The following PHACTR1 variants were observed in gnomAD, a reference collection of about 807,000 sequenced individuals.
PHACTR1 encodes phosphatase and actin regulator 1.
A neutral mutation model predicts 69.2 loss-of-function variants in PHACTR1; 16 were observed. That is an observed-to-expected ratio of 0.23 (90% CI 0.16 to 0.35). The LOEUF is 0.35. Ranked by LOEUF, PHACTR1 falls within the 10% of genes least tolerant of loss-of-function variation. PHACTR1 has a pLI of 1.00. For missense variants in PHACTR1, 510 were observed against 734.7 expected, an observed-to-expected ratio of 0.69 and a Z score of 3.54; for synonymous variants, 312 against 284.5, an observed-to-expected ratio of 1.10 and a Z score of -0.97.
intron 8 of PHACTR1, among the ~76,000 whole-genome samples, chr6:13,209,725 C>T (rs1483592694): frequency 6.6e-6 from 1 of 152,218 alleles, no homozygotes; most frequent in Non-Finnish European, 1.5e-5. Context: ...GTCTCTGCTC[C>T]AACAGGACGT....
At chr6:12,800,997 T>A (rs1773631862) in intron 4 of PHACTR1, among the ~76,000 whole-genome samples, 1 of 152,228 alleles carries the variant, frequency 6.6e-6, no homozygotes, top group Non-Finnish European at 1.5e-5. Context: ...ATTTTTTAAA[T>A]AACATGAAGT....
At chr6:13,027,516 G>A (rs1801865389) in intron 4 of PHACTR1, among the ~76,000 whole-genome samples, 1 of 151,306 alleles carries the variant, frequency 6.6e-6, no homozygotes, top group Non-Finnish European at 1.5e-5. Flanking sequence ...GCTATGTTGT[G>A]CTTCTTTGCT....
chr6:13,158,250 C>G lies in PHACTR1; in HGVS notation c.416-1954C>G, dbSNP rs78722041. Among the ~76,000 whole-genome samples the G allele has an allele frequency of 5.5e-3, 831 of 152,242 alleles. 3 individuals are homozygous for G. The highest frequency in any genetic ancestry group is 0.018 in the African/African-American group (768 of 41,546). On this transcript the variant is annotated intron_variant, in intron 5 of 14. Transcript: ENST00000332995. ...CTGCATGCAATTCCCTGTCCCTTCT[C>G]CAGCCCTTCCCCAAGCTCTGAATAG... is the stretch of plus-strand genomic sequence containing the variant.
At chr6:12,921,899 G>A (rs570580301) in intron 4 of PHACTR1, among the ~76,000 whole-genome samples, 1 of 142,230 alleles carries the variant, frequency 7.0e-6, no homozygotes, top group East Asian at 2.1e-4. Context: ...TTGCATCTCA[G>A]TGTTGTCTGG....
intron 4 of PHACTR1, among the ~76,000 whole-genome samples, chr6:12,880,105 G>A (rs1395105739): frequency 2.6e-5 from 4 of 152,086 alleles, no homozygotes; most frequent in Non-Finnish European, 5.9e-5. Flanking sequence ...CTTTGAGGTA[G>A]GTACTATGAT....
At chr6:13,135,084 A>AG (rs1297194125) in intron 5 of PHACTR1, among the ~76,000 whole-genome samples, 8 of 152,306 alleles carry the variant, frequency 5.3e-5, no homozygotes, top group Non-Finnish European at 1.2e-4. Context: ...TGTGCCCACT[A>AG]GCTCACTGCT....
chr6:13,117,863 G>A (rs780523763), intron 5 of PHACTR1, among the ~76,000 whole-genome samples: 13 of 152,144 alleles, frequency 8.5e-5, no homozygotes, highest in Non-Finnish European at 1.8e-4. Context: ...CTAACGCAGA[G>A]CTCTGCAGGT....
At chr6:12,840,111 A>C (rs545349861) in intron 4 of PHACTR1, among the ~76,000 whole-genome samples, 2 of 152,264 alleles carry the variant, frequency 1.3e-5, no homozygotes, top group African/African-American at 4.8e-5. Context: ...CCTTTAAGTC[A>C]GTCAGCAGGG....
intron 5 of PHACTR1, among the ~76,000 whole-genome samples, chr6:13,118,464 C>T (rs562811818): frequency 1.4e-5 from 2 of 147,452 alleles, no homozygotes; most frequent in East Asian, 2.0e-4. Flanking sequence ...CTTGCCCAAC[C>T]AGGGCCATTT....
In PHACTR1 at chr6:13,171,945, T is replaced by C. The variant is rs376217844; in HGVS notation, c.497-10574T>C. Among the ~76,000 whole-genome samples the C allele has an allele frequency of 7.2e-5, 11 of 152,278 alleles. No homozygotes were observed. In the East Asian group the frequency reaches 1.4e-3, roughly 19 times the overall value. On this transcript the variant is annotated intron_variant, in intron 6 of 14. Coordinates refer to ENST00000332995, the MANE Select transcript of PHACTR1 (RefSeq NM_030948.6). Reference sequence around the variant, plus strand: ...CATGCCCGGCTAATTTTTTGTATTTTTTGTAGAGACGGGTTTTCACCGTGT... The same window carrying C: ...CATGCCCGGCTAATTTTTTGTATTTCTTGTAGAGACGGGTTTTCACCGTGT...
chr6:12,736,794 TA>T (rs1379540079), intron 3 of PHACTR1, among the ~76,000 whole-genome samples: 2 of 152,154 alleles, frequency 1.3e-5, no homozygotes, highest in African/African-American at 4.8e-5. Context: ...ATTCACCTAT[TA>T]AAAAATTGCT....
At chr6:12,748,199 A>G (rs1766056025) in intron 3 of PHACTR1, among the ~76,000 whole-genome samples, 1 of 152,246 alleles carries the variant, frequency 6.6e-6, no homozygotes, top group African/African-American at 2.4e-5. Flanking sequence ...TAGAGGAAGC[A>G]GCAAGGCCAA....
chr6:12,741,942 T>G (rs564363887), intron 3 of PHACTR1, among the ~76,000 whole-genome samples: 10 of 152,200 alleles, frequency 6.6e-5, no homozygotes, highest in Admixed American at 1.3e-4. Context: ...TTCAGTAATG[T>G]TTTATAGTTT....
chr6:12,885,356 T>G (rs1783536186), intron 4 of PHACTR1, among the ~76,000 whole-genome samples: 1 of 152,228 alleles, frequency 6.6e-6, no homozygotes, highest in Admixed American at 6.5e-5. Context: ...ATTAATTTAT[T>G]AACGTGGGTT....
chr6:12,742,229 G>T (rs180703132), intron 3 of PHACTR1, among the ~76,000 whole-genome samples: 1 of 152,226 alleles, frequency 6.6e-6, no homozygotes, highest in East Asian at 1.9e-4. Flanking sequence ...CTAAACAAAG[G>T]GTGGATTATT....
intron 4 of PHACTR1, among the ~76,000 whole-genome samples, chr6:12,852,127 G>A (rs192514290): frequency 1.2e-4 from 19 of 152,222 alleles, no homozygotes; most frequent in African/African-American, 4.3e-4. Flanking sequence ...GAGCCACCAC[G>A]CTAGGCCAAA....
intron 5 of PHACTR1, among the ~76,000 whole-genome samples, chr6:13,093,970 C>A (rs1265132022): frequency 2.0e-5 from 3 of 152,156 alleles, no homozygotes; most frequent in Non-Finnish European, 4.4e-5. Flanking sequence ...CTCCTAGGTT[C>A]AAGTGATTCT....
chr6:13,284,195 G>A (rs974271775), intron 13 of PHACTR1, among the ~76,000 whole-genome samples: 3 of 152,016 alleles, frequency 2.0e-5, no homozygotes, highest in Non-Finnish European at 4.4e-5. Context: ...TCACCATGAG[G>A]AGCTGGAGGG....
At chr6:13,218,352 G>C (rs1767993665) in intron 8 of PHACTR1, among the ~76,000 whole-genome samples, 1 of 152,134 alleles carries the variant, frequency 6.6e-6, no homozygotes, top group African/African-American at 2.4e-5. Context: ...ATAAAGTGAT[G>C]ATTACAAAGC....
Sources: allele counts gnomAD v4.1 joint callset (sites outside exome capture counted in the v4.1 genomes callset), GRCh38; gene constraint gnomAD v4.1.1; transcripts MANE v1.5; gene names NCBI Gene and HGNC (gene_info 2026-07-23, HGNC 2026-07-21).